PREX1: variants seen among roughly 807,000 people sequenced by gnomAD.
PREX1 encodes the protein phosphatidylinositol 3,4,5-trisphosphate-dependent Rac exchanger 1 protein.
PREX1 carries 41 observed loss-of-function variants against 198.3 expected under a neutral mutation model. The observed-to-expected ratio is 0.21, with a 90% CI of 0.16 to 0.27. The LOEUF is 0.27. Ranked by LOEUF, PREX1 falls within the 10% of genes least tolerant of loss-of-function variation. The probability of loss-of-function intolerance (pLI) is 1.00; values close to 1 mark genes in which losing one functional copy is unlikely to be tolerated. For missense variants in PREX1, 1,620 were observed against 2,200.7 expected (o/e 0.74, Z 5.28); for synonymous variants, 843 against 887.2 (o/e 0.95, Z 0.89).
At chr20:48,712,236 A>AC (rs1022727267) in intron 5 of PREX1, among the ~76,000 whole-genome samples, 25 of 152,192 alleles carry the variant, frequency 1.6e-4, no homozygotes, top group African/African-American at 2.4e-5. Flanking sequence ...CCCACTTGAC[A>AC]GATGAGAAAG....
In PREX1 at chr20:48,679,631, CA is replaced by C; in HGVS notation, c.1539+19del. On this transcript the variant is annotated intron_variant, in intron 12 of 39. Transcript: ENST00000371941. ...AACGAGGCCAGCTGAGTCAGAGTCA[CA>C]GGGGCGGAGGGCCCCTACCTTGGAC... 2 of 1,573,688 alleles carry C rather than the reference CA, an allele frequency of 1.3e-6. No individual in the cohort carries two copies. The highest frequency in any genetic ancestry group is 1.1e-5 in the South Asian group (1 of 90,218).
chr20:48,845,828 G>T, the PREX1 span, among the ~76,000 whole-genome samples: 1 of 152,196 alleles, frequency 6.6e-6, no homozygotes, highest in Non-Finnish European at 1.5e-5. Context: ...TGTGGAGACA[G>T]GCAGATCCAG....
chr20:48,672,347 C>T (rs1451621785), intron 14 of PREX1, among the ~76,000 whole-genome samples: 1 of 152,226 alleles, frequency 6.6e-6, no homozygotes, highest in Non-Finnish European at 1.5e-5. Flanking sequence ...CAGAATCTGA[C>T]CATTTCTCCT....
chr20:48,666,295 A>T lies in PREX1; in HGVS notation c.1726T>A (p.Phe576Ile). 6.4e-7 allele frequency: 1 copy of T among 1,568,516 alleles called. No individual in the cohort carries two copies. The highest frequency in any genetic ancestry group is 1.7e-4 in the Middle Eastern group (1 of 5,894). Residue 576 changes from phenylalanine (F) to isoleucine (I), a missense_variant, in exon 15 of 40, where the codon TTC becomes ATC. Phe to Ile is a conservative substitution (Grantham distance 21). Transcript: ENST00000371941. The surrounding 1 kb of genome is among the most constrained non-coding windows in gnomAD (Gnocchi z 4.3). ...ALGVGLCNNG[F>I]MHHVLEKSEF... ...TGGGGGTGGTTACCGTGGTGCATGAAGCCATTGTTGCACAGACCCACGCCG... is the reference window on the plus strand; with the variant it reads ...TGGGGGTGGTTACCGTGGTGCATGATGCCATTGTTGCACAGACCCACGCCG...
chr20:48,830,209 T>C (rs1444624097), upstream of PREX1, among the ~76,000 whole-genome samples: 1 of 151,948 alleles, frequency 6.6e-6, no homozygotes, highest in Non-Finnish European at 1.5e-5. Context: ...ACAAAAAAAT[T>C]TTAAAAATTA....
At chr20:48,759,810 T>C (rs1273439538) in intron 1 of PREX1, among the ~76,000 whole-genome samples, 1 of 152,048 alleles carries the variant, frequency 6.6e-6, no homozygotes, top group African/African-American at 2.4e-5. Context: ...AAACATTAGC[T>C]ATTATTGGCC....
chr20:48,665,242 T>C (rs140059625), intron 15 of PREX1, among the ~76,000 whole-genome samples: 75 of 127,740 alleles, frequency 5.9e-4, no homozygotes, highest in African/African-American at 1.8e-3. Flanking sequence ...TGGCTCCAGA[T>C]GGCCTGAATT....
In PREX1 at chr20:48,677,043, C is replaced by T. The variant is rs138516714; in HGVS notation, c.1590-775G>A. ...AACTTCTCAGCCTCTGAAGCTGTGA[C>T]AAAAACGCGCTTCTGTGGCCAGTCC... On this transcript the variant is annotated intron_variant, in intron 13 of 39. Transcript: ENST00000371941. Among the ~76,000 whole-genome samples the T allele has an allele frequency of 1.1e-3, 170 of 152,300 alleles. 4 individuals are homozygous for T. The East Asian group carries it at 0.027, about 24-fold the overall frequency.
At chr20:48,801,105 C>T (rs572405492) in intron 1 of PREX1, among the ~76,000 whole-genome samples, 1 of 152,318 alleles carries the variant, frequency 6.6e-6, no homozygotes, top group East Asian at 1.9e-4. Flanking sequence ...CAGTGAGTAT[C>T]CCACAAGATT....
chr20:48,806,526 T>C (rs191186529), intron 1 of PREX1, among the ~76,000 whole-genome samples: 22 of 152,304 alleles, frequency 1.4e-4, no homozygotes, highest in East Asian at 1.2e-3. Flanking sequence ...GAAACATCTT[T>C]TGCACACCAT....
chr20:48,715,508 C>T (rs939198139), intron 5 of PREX1, among the ~76,000 whole-genome samples: 1 of 152,168 alleles, frequency 6.6e-6, no homozygotes, highest in African/African-American at 2.4e-5. Context: ...CTCTACTTCG[C>T]CTCCACCACA....
chr20:48,728,073 C>T (rs2090017725), intron 4 of PREX1, among the ~76,000 whole-genome samples: 1 of 152,202 alleles, frequency 6.6e-6, no homozygotes. Context: ...CTCAACACCA[C>T]CCTGGCAAAC....
chr20:48,679,372 G>T lies in PREX1; in HGVS notation c.1577C>A (p.Thr526Asn), dbSNP rs1398584938. 3 of 1,613,208 alleles carry T rather than the reference G, an allele frequency of 1.9e-6. No individual in the cohort carries two copies. Among genetic ancestry groups the T allele is most frequent in the Non-Finnish European group, 2.5e-6 (3 of 1,179,320 alleles). The change falls in exon 13 of 40, where the codon ACC becomes AAC. Residue 526 changes from threonine to asparagine, a missense_variant. Transcript: ENST00000371941. ...AAGAGTAACTTACTTGATCACCGGG[G>T]TGTAGAGGCTGTGAAGACGGCAGTA... is the stretch of plus-strand genomic sequence containing the variant. ...RLYCRLHSLY[T>N]PVIKDRDYHL...
intron 36 of PREX1, among the ~76,000 whole-genome samples, chr20:48,630,259 C>T (rs2089303148): frequency 1.3e-5 from 2 of 152,226 alleles, no homozygotes; most frequent in African/African-American, 4.8e-5. Context: ...CGAGGCCCCT[C>T]AGAGGGAGCT....
At chr20:48,801,631 C>T (rs554197274) in intron 1 of PREX1, among the ~76,000 whole-genome samples, 6 of 152,314 alleles carry the variant, frequency 3.9e-5, no homozygotes, top group Non-Finnish European at 7.4e-5. Context: ...AGGACACCCA[C>T]GTCTCTCCCC....
At chr20:48,778,458 C>A in intron 1 of PREX1, among the ~76,000 whole-genome samples, 1 of 150,828 alleles carries the variant, frequency 6.6e-6, no homozygotes, top group Middle Eastern at 3.5e-3. Flanking sequence ...CCAGGCATGG[C>A]ACACGCCTGT....
chr20:48,641,824 A>AAG lies in PREX1; in HGVS notation c.3775+342_3775+343dup, dbSNP rs1173427956. Among the ~76,000 whole-genome samples the AAG allele has an allele frequency of 5.1e-4, 59 of 114,940 alleles. 1 individual carries two copies. The highest frequency in any genetic ancestry group is 1.8e-3 in the African/African-American group (47 of 25,766). The allele number at this position is 114,940 out of a possible 152,430, so 75.4% of individuals were successfully genotyped here. A position where few individuals can be genotyped will look rare whatever the true frequency, so the allele number is the denominator to read the frequency against. ...CAAGAAAGAAAGAAAGAAAGAAAGA[A>AAG]AGAGAGAGAGAGAGAGAGGAAGGAA... On this transcript the variant is annotated intron_variant, in intron 29 of 39. Transcript: ENST00000371941.
At chr20:48,652,267 T>TA (rs55891542) in intron 21 of PREX1, among the ~76,000 whole-genome samples, 16 of 148,918 alleles carry the variant, frequency 1.1e-4, no homozygotes, top group East Asian at 2.0e-4. Context: ...ACCTCATCTC[T>TA]AAAAAAAAAA....
intron 1 of PREX1, among the ~76,000 whole-genome samples, chr20:48,801,352 T>C (rs1360392421): frequency 6.6e-6 from 1 of 152,198 alleles, no homozygotes; most frequent in Non-Finnish European, 1.5e-5. Flanking sequence ...CTCTCCCTCT[T>C]GCTGAGAAAA....
Sources: gnomAD v4.1 joint callset for allele counts (sites outside exome capture counted in the v4.1 genomes callset) on GRCh38, gnomAD v4.1.1 for gene constraint, Gnocchi (gnomAD v3.1) non-coding constraint, MANE v1.5 for transcripts, NCBI Gene and HGNC (gene_info 2026-07-23, HGNC 2026-07-21) for gene names.